The following TOM1 variants were observed in gnomAD, a reference collection of about 807,000 sequenced individuals.
TOM1 encodes target of Myb protein 1.
Under a neutral mutation model 61.3 loss-of-function variants are expected in TOM1, and 38 were observed. The observed-to-expected ratio is 0.62, with a 90% CI of 0.48 to 0.81. TOM1 has a LOEUF of 0.81. TOM1 is among the 40% of genes least tolerant of loss of function. The probability of loss-of-function intolerance (pLI) is 0.00; values close to 1 mark genes in which losing one functional copy is unlikely to be tolerated. For synonymous variants in TOM1, 270 were observed against 268.8 expected, an observed-to-expected ratio of 1.00 and a Z score of -0.04; for missense variants, 591 against 659.6, an observed-to-expected ratio of 0.90 and a Z score of 1.14.
At chr22:35,326,358 C>T (rs919533918) in intron 6 of TOM1, among the ~76,000 whole-genome samples, 1 of 152,326 alleles carries the variant, frequency 6.6e-6, no homozygotes, top group African/African-American at 2.4e-5. Context: ...TACAAGGTCC[C>T]ACAGCATAAG....
chr22:35,320,987 G>GA (rs138783), intron 2 of TOM1, among the ~76,000 whole-genome samples: 15,558 of 88,978 alleles, frequency 0.17, 2,112 homozygotes, highest in South Asian at 0.29. Flanking sequence ...GTCTCAGAAG[G>GA]AAAAAAAAAA....
intron 3 of TOM1, 74 bp from the exon 4 acceptor site, chr22:35,322,954 G>T: frequency 1.9e-6 from 3 of 1,565,304 alleles, no homozygotes; most frequent in African/African-American, 2.7e-5. Context: ...CACAGGAGGA[G>T]CCACGAGGGT....
intron 7 of TOM1, among the ~76,000 whole-genome samples, chr22:35,329,199 A>C (rs964253967): frequency 1.3e-5 from 2 of 151,890 alleles, no homozygotes; most frequent in Non-Finnish European, 2.9e-5. Flanking sequence ...CAGGTGATCC[A>C]CCCGCCTCGG....
At chr22:35,305,905 A>AGAGTG (rs6481) in intron 1 of TOM1, among the ~76,000 whole-genome samples, 77,634 of 151,526 alleles carry the variant, frequency 0.51, 22,655 homozygotes, top group Non-Finnish European at 0.65. Context: ...GTTGGTTAGC[A>AGAGTG]GACTAGACCA....
At position 35,323,154 on chromosome 22, in the gene TOM1, G is replaced by A; in HGVS notation, c.343G>A (p.Asp115Asn). The A allele has an allele frequency of 6.2e-7, 1 of 1,614,016 alleles. No individual in the cohort carries two copies. The highest frequency in any genetic ancestry group is 8.5e-7 in the Non-Finnish European group (1 of 1,180,036). The part of the protein sequence containing the change: ...PKNNPPTIVH[D>N]KVLNLIQSWA... The stretch of plus-strand genomic sequence containing the variant: ...GAACAACCCACCCACCATCGTGCAT[G>A]ACAAAGTGCTCAACCTCATCCAGGT... Residue 115 changes from aspartate to asparagine, a missense_variant, in exon 4 of 15, where the codon GAC (aspartate) becomes AAC (asparagine). Physicochemically the swap from Asp to Asn is conservative, Grantham distance 23. Coordinates refer to ENST00000449058, the MANE Select transcript of TOM1 (RefSeq NM_005488.3). This position sits in a 1 kb window ranked among gnomAD's most constrained non-coding sequence, Gnocchi z 4.2.
chr22:35,336,454 G>A (rs532398502), intron 11 of TOM1, among the ~76,000 whole-genome samples: 18 of 152,306 alleles, frequency 1.2e-4, no homozygotes, highest in South Asian at 2.1e-4. Flanking sequence ...CTTATCAGCC[G>A]CTGTTTCTGC....
At chr22:35,311,671 G>C (rs531930445) in intron 1 of TOM1, among the ~76,000 whole-genome samples, 1 of 152,356 alleles carries the variant, frequency 6.6e-6, no homozygotes, top group African/African-American at 2.4e-5. Flanking sequence ...TCTTCACAGG[G>C]ACAGAGCAGA....
intron 3 of TOM1, 52 bp downstream of exon 3, chr22:35,322,089 C>T (rs555978102): frequency 3.9e-6 from 6 of 1,545,274 alleles, no homozygotes; most frequent in African/African-American, 1.4e-5. Flanking sequence ...CACTGAAAGT[C>T]ACCTCCCCTC....
intron 14 of TOM1, 29 bp downstream of exon 14, chr22:35,346,998 T>G: frequency 2.5e-6 from 3 of 1,198,792 alleles, no homozygotes; most frequent in Non-Finnish European, 3.5e-6. Flanking sequence ...GCCCGCCCTC[T>G]CCTTTCCCCA....
intron 13 of TOM1, among the ~76,000 whole-genome samples, chr22:35,346,677 A>G (rs1480944230): frequency 2.0e-5 from 3 of 152,166 alleles, no homozygotes; most frequent in East Asian, 1.9e-4. Flanking sequence ...AGTTAGCTTC[A>G]GCCCCCACCC....
chr22:35,321,572 T>C (rs968865218), intron 2 of TOM1, among the ~76,000 whole-genome samples: 1 of 151,992 alleles, frequency 6.6e-6, no homozygotes. Flanking sequence ...CAAATTTTTG[T>C]ATTTTTAGTA....
intron 11 of TOM1, among the ~76,000 whole-genome samples, chr22:35,337,009 G>T (rs970951388): frequency 1.3e-5 from 2 of 151,030 alleles, no homozygotes; most frequent in Non-Finnish European, 2.9e-5. Context: ...GGCGCTTGCA[G>T]AGTGCAAGCT....
At chr22:35,344,010 TAC>T (rs1930275650) in intron 12 of TOM1, among the ~76,000 whole-genome samples, 1 of 144,060 alleles carries the variant, frequency 6.9e-6, no homozygotes, top group Non-Finnish European at 1.5e-5. Context: ...CTCATACACC[TAC>T]ACACACACCT....
intron 8 of TOM1, among the ~76,000 whole-genome samples, chr22:35,331,094 T>A (rs982156093): frequency 1.1e-5 from 1 of 91,660 alleles, no homozygotes; most frequent in Non-Finnish European, 2.0e-5. Context: ...CCTGTCCACC[T>A]TTTTTTTTTT....
At chr22:35,345,838 C>A in intron 13 of TOM1, 54 bp downstream of exon 13, 3 of 1,581,202 alleles carry the variant, frequency 1.9e-6, no homozygotes, top group Non-Finnish European at 2.6e-6. Context: ...TTGTTCTCAC[C>A]AAGAAATGAC....
At chr22:35,310,526 C>T (rs2145620714) in intron 1 of TOM1, among the ~76,000 whole-genome samples, 1 of 152,266 alleles carries the variant, frequency 6.6e-6, no homozygotes, top group Non-Finnish European at 1.5e-5. Flanking sequence ...TGCACTCCAG[C>T]CTGGGCAACA....
At chr22:35,344,137 C>T (rs1022321937) in intron 12 of TOM1, 1 of 152,316 alleles carries the variant, frequency 6.6e-6, no homozygotes, top group South Asian at 2.1e-4. Flanking sequence ...TGTTAGAAGC[C>T]GCGCCCTCCA....
upstream of TOM1, chr22:35,299,457 G>A (rs1177117977): frequency 1.9e-5 from 3 of 156,494 alleles, no homozygotes; most frequent in South Asian, 1.6e-4. Context: ...GTCTTACCGG[G>A]ACAAGGAGAC....
chr22:35,334,042 T>C (rs1292935578), intron 10 of TOM1, among the ~76,000 whole-genome samples: 2 of 152,242 alleles, frequency 1.3e-5, no homozygotes, highest in African/African-American at 4.8e-5. Context: ...ATCTGATTAC[T>C]GTCCTCCTGC....
Sources: allele counts gnomAD v4.1 joint callset (sites outside exome capture counted in the v4.1 genomes callset), GRCh38; gene constraint gnomAD v4.1.1; non-coding constraint Gnocchi (gnomAD v3.1); transcripts MANE v1.5; gene names NCBI Gene and HGNC (gene_info 2026-07-23, HGNC 2026-07-21).